Variants in IL1RAPL2 observed in about 807,000 individuals in gnomAD.
The protein encoded by IL1RAPL2 is X-linked interleukin-1 receptor accessory protein-like 2.
A neutral mutation model predicts 44.1 loss-of-function variants in IL1RAPL2; 3 were observed. The observed-to-expected ratio is 0.07, with a 90% CI of 0.03 to 0.18. The LOEUF is 0.18. Ranked by LOEUF, IL1RAPL2 falls within the 10% of genes least tolerant of loss-of-function variation. The pLI is 1.00. For missense variants in IL1RAPL2, 391 were observed against 496.4 expected, an observed-to-expected ratio of 0.79 and a Z score of 2.02; for synonymous variants, 181 against 178.8, an observed-to-expected ratio of 1.01 and a Z score of -0.10.
intron 6 of IL1RAPL2, among the ~76,000 whole-genome samples, chrX:105,533,555 A>G (rs1381944725): frequency 8.9e-6 from 1 of 112,092 alleles, no homozygotes; most frequent in African/African-American, 3.2e-5. Flanking sequence ...GTATTCAACT[A>G]TAGCATCAAC....
chrX:105,116,688 ATATAAG>A (rs1415548920), intron 2 of IL1RAPL2, among the ~76,000 whole-genome samples: 1 of 112,481 alleles, frequency 8.9e-6, no homozygotes, highest in Non-Finnish European at 1.9e-5. Flanking sequence ...TCCTTTTGTA[ATATAAG>A]TATATTTTTG....
At chrX:105,739,236 G>A (rs1028934076) in intron 7 of IL1RAPL2, among the ~76,000 whole-genome samples, 2 of 110,696 alleles carry the variant, frequency 1.8e-5, no homozygotes, top group Non-Finnish European at 3.8e-5. Flanking sequence ...TTTAGAGCTT[G>A]GAACCCAGTG....
chrX:104,599,974 T>C (rs936373124), intron 1 of IL1RAPL2, among the ~76,000 whole-genome samples: 10 of 111,321 alleles, frequency 9.0e-5, no homozygotes, highest in Non-Finnish European at 9.4e-5. Context: ...GAAGGAAAAC[T>C]GATGCTAAGA....
chrX:104,783,914 A>G (rs1448637775), intron 2 of IL1RAPL2, among the ~76,000 whole-genome samples: 1 of 110,702 alleles, frequency 9.0e-6, no homozygotes, highest in Non-Finnish European at 1.9e-5. Context: ...TTCCAACAAG[A>G]TCTGGCCAGT....
intron 2 of IL1RAPL2, among the ~76,000 whole-genome samples, chrX:105,012,364 A>G (rs753972180): frequency 9.1e-6 from 1 of 110,474 alleles, no homozygotes; most frequent in African/African-American, 3.3e-5. Flanking sequence ...ATGAAATACA[A>G]TTCTATGGCA....
At chrX:105,043,566 GAA>G (rs34802100) in intron 2 of IL1RAPL2, among the ~76,000 whole-genome samples, 2,782 of 65,282 alleles carry the variant, frequency 0.043, 119 homozygotes, top group African/African-American at 0.13. Flanking sequence ...TCTCAAAGCA[GAA>G]AAAAAAAAAA....
At chrX:105,507,285 T>C (rs2036437279) in intron 6 of IL1RAPL2, among the ~76,000 whole-genome samples, 1 of 112,157 alleles carries the variant, frequency 8.9e-6, no homozygotes, top group African/African-American at 3.2e-5. Context: ...TTTGACCTTT[T>C]CGACAACGTA....
intron 2 of IL1RAPL2, among the ~76,000 whole-genome samples, chrX:105,077,142 T>C (rs1422250206): frequency 1.3e-4 from 14 of 111,882 alleles, no homozygotes; most frequent in East Asian, 5.6e-4. Context: ...CTAGCCTTGA[T>C]GGTCTTTACA....
chrX:105,740,895 A>T (rs1394395210), intron 8 of IL1RAPL2, among the ~76,000 whole-genome samples: 1 of 111,964 alleles, frequency 8.9e-6, no homozygotes, highest in Non-Finnish European at 1.9e-5. Flanking sequence ...GATAAATGAA[A>T]TGAAGTATTG....
chrX:105,074,015 T>C (rs1235449594), intron 2 of IL1RAPL2, among the ~76,000 whole-genome samples: 1 of 111,845 alleles, frequency 8.9e-6, no homozygotes, highest in East Asian at 2.8e-4. Context: ...GATGGTGGTT[T>C]CTTTTGCTGT....
chrX:105,490,502 G>A (rs1381638703), intron 6 of IL1RAPL2, among the ~76,000 whole-genome samples: 1 of 111,459 alleles, frequency 9.0e-6, no homozygotes, highest in Non-Finnish European at 1.9e-5. Flanking sequence ...ATCAGAAATC[G>A]ATTTCCCTAG....
chrX:105,753,693 A>G (rs1190429706), intron 9 of IL1RAPL2, among the ~76,000 whole-genome samples: 2 of 111,903 alleles, frequency 1.8e-5, no homozygotes, highest in Non-Finnish European at 3.8e-5. Flanking sequence ...GATCTCAACT[A>G]CCCAGGGCAG....
At chrX:105,146,351 T>C (rs1422639285) in intron 2 of IL1RAPL2, among the ~76,000 whole-genome samples, 3 of 110,898 alleles carry the variant, frequency 2.7e-5, no homozygotes. Context: ...CCAAAGAAAG[T>C]CTTAGAAAAT....
intron 1 of IL1RAPL2, among the ~76,000 whole-genome samples, chrX:104,637,735 T>G (rs1929844585): frequency 9.0e-6 from 1 of 110,749 alleles, no homozygotes; most frequent in Non-Finnish European, 1.9e-5. Context: ...TGAGGACTTC[T>G]GCATCTATGT....
chrX:104,824,365 C>G (rs1159938641), intron 2 of IL1RAPL2, among the ~76,000 whole-genome samples: 1 of 111,651 alleles, frequency 9.0e-6, no homozygotes, highest in East Asian at 2.8e-4. Context: ...TTTGTTGTGT[C>G]TCTGCCAGGT....
intron 1 of IL1RAPL2, among the ~76,000 whole-genome samples, chrX:104,610,451 A>C (rs950828079): frequency 8.9e-6 from 1 of 112,021 alleles, no homozygotes; most frequent in African/African-American, 3.2e-5. Context: ...ATACAAAATC[A>C]ATGTGCAAAA....
chrX:105,070,856 C>T (rs1402689954), intron 2 of IL1RAPL2, among the ~76,000 whole-genome samples: 1 of 109,658 alleles, frequency 9.1e-6, no homozygotes, highest in Non-Finnish European at 1.9e-5. Context: ...TTCCAGTTCC[C>T]TTTCTATGCA....
At chrX:105,558,338 C>T (rs1185468637) in intron 6 of IL1RAPL2, among the ~76,000 whole-genome samples, 2 of 111,554 alleles carry the variant, frequency 1.8e-5, no homozygotes, top group Admixed American at 9.6e-5. Context: ...GGCACATAAG[C>T]GCTACTCAGA....
At chrX:105,014,392 C>T in intron 2 of IL1RAPL2, among the ~76,000 whole-genome samples, 2 of 110,720 alleles carry the variant, frequency 1.8e-5, no homozygotes, top group Non-Finnish European at 3.8e-5. Flanking sequence ...TATACATGTG[C>T]CATGGTGGTA....
Sources: allele counts gnomAD v4.1 joint callset (sites outside exome capture counted in the v4.1 genomes callset), GRCh38; gene constraint gnomAD v4.1.1; transcripts MANE v1.5; gene names NCBI Gene and HGNC (gene_info 2026-07-23, HGNC 2026-07-21).